Variants in ALOX12B observed in about 807,000 individuals in gnomAD.
ALOX12B encodes arachidonate 12-lipoxygenase, 12R type.
Under a neutral mutation model 78.9 loss-of-function variants are expected in ALOX12B, and 47 were observed. The observed-to-expected ratio is 0.60, with a 90% CI of 0.47 to 0.76. The LOEUF is 0.76. ALOX12B is among the 30% of genes least tolerant of loss of function. The probability of loss-of-function intolerance (pLI) is 0.00; values close to 1 mark genes in which losing one functional copy is unlikely to be tolerated. For missense variants in ALOX12B, 805 were observed against 922.6 expected (o/e 0.87, Z 1.65); for synonymous variants, 370 against 374.5 (o/e 0.99, Z 0.14).
At position 8,086,024 on chromosome 17, in the gene ALOX12B, T is replaced by G; in HGVS notation, c.344A>C (p.Glu115Ala). Residue 115 changes from glutamate to alanine, a missense_variant, in exon 2 of 15, where the codon GAG (glutamate) becomes GCG (alanine). Glu to Ala is a moderately radical substitution (Grantham distance 107, BLOSUM62 -1). Transcript: ENST00000647874. ...MDGYETLALR[E>A]ATGKTTADDS... ...GGGTGATGAGGGCTTACCTGTGGCC[T>G]CCCGGAGTGCCAGGGTCTCGTAGCC... is the stretch of plus-strand genomic sequence containing the variant. 1 of 1,614,046 alleles carries G rather than the reference T, an allele frequency of 6.2e-7. No homozygotes were observed. Among genetic ancestry groups the G allele is most frequent in the Non-Finnish European group, 8.5e-7 (1 of 1,179,978 alleles).
At chr17:8,076,881 C>A in intron 9 of ALOX12B, 109 bp downstream of exon 9, 1 of 715,282 alleles carries the variant, frequency 1.4e-6, no homozygotes, top group Non-Finnish European at 2.1e-6. Flanking sequence ...TCCCCAGATG[C>A]CCCCCAGGCT....
intron 2 of ALOX12B, among the ~76,000 whole-genome samples, chr17:8,084,405 C>A (rs1326287264): frequency 6.6e-6 from 1 of 152,180 alleles, no homozygotes; most frequent in African/African-American, 2.4e-5. Context: ...AGACCTAGCT[C>A]GTTTTCATCC....
intron 2 of ALOX12B, among the ~76,000 whole-genome samples, chr17:8,085,255 C>G (rs549375757): frequency 4.1e-4 from 58 of 140,626 alleles, no homozygotes; most frequent in African/African-American, 1.4e-3. Flanking sequence ...CTGAGGCAGG[C>G]AGATCACCTG....
intron 1 of ALOX12B, 57 bp downstream of exon 1, chr17:8,087,239 C>CACACACAG (rs1480735607): frequency 4.6e-5 from 25 of 541,716 alleles, no homozygotes; most frequent in African/African-American, 9.9e-5. Flanking sequence ...CACACACAGA[C>CACACACAG]ACACACACAC....
At position 8,077,204 on chromosome 17, in the gene ALOX12B, T is replaced by C. The variant is rs1322683290; in HGVS notation, c.1072-11A>G. The C allele has an allele frequency of 6.2e-7, 1 of 1,605,060 alleles. No individual in the cohort carries two copies. The highest frequency in any genetic ancestry group is 8.5e-7 in the Non-Finnish European group (1 of 1,176,096). ...AGGGGTCTGGCTGAGCTAGGTGTGG[T>C]GAAAGAGAAAGGGTTGGGTGAGGGC... is the stretch of plus-strand genomic sequence containing the variant. On this transcript the variant is annotated splice_polypyrimidine_tract_variant and intron_variant, in intron 8 of 14. Coordinates refer to ENST00000647874, the MANE Select transcript of ALOX12B (RefSeq NM_001139.3).
chr17:8,081,412 C>T (rs930251651), intron 2 of ALOX12B: 8 of 614,162 alleles, frequency 1.3e-5, no homozygotes, highest in Non-Finnish European at 2.1e-5. Context: ...AAGCTAAGCT[C>T]TGCTGCTGCA....
intron 12 of ALOX12B, among the ~76,000 whole-genome samples, chr17:8,075,102 C>T (rs1001107118): frequency 2.4e-5 from 1 of 41,440 alleles, no homozygotes; most frequent in African/African-American, 2.1e-4. Context: ...AGGCAGGCAC[C>T]TTCACCACTG....
chr17:8,073,752 G>T lies in ALOX12B; in HGVS notation c.1660C>A (p.Pro554Thr). ...CLLGRESSGF[P>T]RCLRTVPELI... ...TCAGGCACGGTTCGCAAGCACCTAG[G>T]GAAGCCTGACCGGCGGGGGAAAAGC... Residue 554 changes from proline (P) to threonine (T), a missense_variant, in exon 13 of 15, where the codon CCT (proline) becomes ACT (threonine). Coordinates refer to ENST00000647874, the MANE Select transcript of ALOX12B (RefSeq NM_001139.3). 1 of 1,613,898 alleles carries T rather than the reference G, an allele frequency of 6.2e-7. No homozygotes were observed. Among genetic ancestry groups the T allele is most frequent in the Non-Finnish European group, 8.5e-7 (1 of 1,179,884 alleles).
At chr17:8,078,577 A>G (rs1289245331) in intron 8 of ALOX12B, among the ~76,000 whole-genome samples, 1 of 151,544 alleles carries the variant, frequency 6.6e-6, no homozygotes, top group African/African-American at 2.4e-5. Flanking sequence ...GCAACATGGA[A>G]GAAAGCGTAG....
chr17:8,073,219 A>G lies in ALOX12B; in HGVS notation c.1855T>C (p.Leu619=). 1 of 1,614,196 alleles carries G rather than the reference A, an allele frequency of 6.2e-7. No homozygotes were observed. Among genetic ancestry groups the G allele is most frequent in the African/African-American group, 1.3e-5 (1 of 75,040 alleles). The change falls in exon 14 of 15, where the codon TTG becomes CTG. Residue 619 remains leucine, a synonymous_variant. Transcript: ENST00000647874. ...ATGCACGTGGTCTTCACATCCGGCA[A>G]CGTGTCCATGAAGGTCTCCAGAGTG... The part of the protein sequence containing the change: ...LTTLETFMDT[L]PDVKTTCITL...
Position 8,085,423 on chromosome 17 carries a change from G to T in ALOX12B, c.352+593C>A, listed in dbSNP as rs770101465. 7.9e-5 allele frequency among the ~76,000 whole-genome samples: 12 copies of T among 152,252 alleles called. No homozygotes were observed. In the Middle Eastern group the frequency reaches 0.02, roughly 259 times the overall value. ...GATCGTGCCATTGCACTCCAGCCTG[G>T]GCAACAAGAGTGAAACTCCGTCTCA... On this transcript the variant is annotated intron_variant, in intron 2 of 14. Transcript: ENST00000647874.
chr17:8,079,625 C>G lies in ALOX12B; in HGVS notation c.928-86G>C, dbSNP rs1006513080. On this transcript the variant is annotated intron_variant, in intron 7 of 14. Coordinates refer to ENST00000647874, the MANE Select transcript of ALOX12B (RefSeq NM_001139.3). The surrounding 1 kb of genome is among the most constrained non-coding windows in gnomAD (Gnocchi z 6.4). ...CCGCAGGTGCACAGGGCGCTGGCGACTAGGGGCAGGGGTGGGACGGGGACA... is the reference window on the plus strand; with the variant it reads ...CCGCAGGTGCACAGGGCGCTGGCGAGTAGGGGCAGGGGTGGGACGGGGACA... The G allele has an allele frequency of 2.0e-6, 3 of 1,534,054 alleles. No homozygotes were observed. The highest frequency in any genetic ancestry group is 2.8e-5 in the African/African-American group (2 of 72,710).
intron 12 of ALOX12B, among the ~76,000 whole-genome samples, chr17:8,074,407 T>C (rs1321843237): frequency 1.3e-5 from 2 of 152,072 alleles, no homozygotes; most frequent in African/African-American, 4.8e-5. Flanking sequence ...ATGACCTACA[T>C]CACGTATCCA....
chr17:8,087,396 G>A lies in ALOX12B; in HGVS notation c.47C>T (p.Ser16Leu), dbSNP rs147784568. The change falls in exon 1 of 15, where the codon TCG (serine) becomes TTG (leucine). Residue 16 changes from serine (S) to leucine (L), a missense_variant. Coordinates refer to ENST00000647874, the MANE Select transcript of ALOX12B (RefSeq NM_001139.3). ...VRVATGTDLL[S>L]GTRDSISLTI... is the part of the protein sequence containing the mutation. Reference sequence around the variant, plus strand: ...CAGTGAGATGGAGTCCCGTGTTCCCGACAAGAGGTCGGTGCCTGTGGCCAC... The same window carrying A: ...CAGTGAGATGGAGTCCCGTGTTCCCAACAAGAGGTCGGTGCCTGTGGCCAC... The A allele has an allele frequency of 1.4e-5, 22 of 1,614,108 alleles. No individual in the cohort carries two copies. Among genetic ancestry groups the A allele is most frequent in the Non-Finnish European group, 1.7e-5 (20 of 1,180,048 alleles).
intron 12 of ALOX12B, among the ~76,000 whole-genome samples, chr17:8,074,205 C>A (rs1424301153): frequency 6.6e-6 from 1 of 152,164 alleles, no homozygotes; most frequent in Non-Finnish European, 1.5e-5. Flanking sequence ...CTCAGTCCCA[C>A]ACATCTTCCC....
intron 8 of ALOX12B, among the ~76,000 whole-genome samples, chr17:8,077,779 C>G (rs1234016992): frequency 4.6e-5 from 7 of 152,204 alleles, no homozygotes; most frequent in Admixed American, 4.6e-4. Flanking sequence ...AGGGACCTGA[C>G]CCCCTTCAGG....
At position 8,087,683 on chromosome 17, in the gene ALOX12B, G is replaced by A. The variant is rs115923113; in HGVS notation, c.-241C>T. ...AGGCCCAGGCGGAGCCCAGCTGGTG[G>A]TGAGTGAGCAGGTGTCTGGGCTCCA... On this transcript the variant is annotated 5_prime_UTR_variant, in exon 1 of 15. Coordinates refer to ENST00000647874, the MANE Select transcript of ALOX12B (RefSeq NM_001139.3). 165 of 605,622 alleles carry A rather than the reference G, an allele frequency of 2.7e-4. No individual in the cohort carries two copies. The African/African-American group carries it at 2.8e-3, about 10-fold the overall frequency. 37.5% of individuals were successfully genotyped at this position (605,622 alleles called of 1,614,324 possible). A position where few individuals can be genotyped will look rare whatever the true frequency, so the allele number is the denominator to read the frequency against.
At position 8,077,158 on chromosome 17, in the gene ALOX12B, G is replaced by A. The variant is rs181293386; in HGVS notation, c.1107C>T (p.Phe369=). The A allele has an allele frequency of 6.2e-6, 10 of 1,613,762 alleles. No homozygotes were observed. The African/African-American group carries it at 6.7e-5, about 11-fold the overall frequency. The change falls in exon 9 of 15, where the codon TTC becomes TTT. Residue 369 remains phenylalanine, a synonymous_variant. Coordinates refer to ENST00000647874, the MANE Select transcript of ALOX12B (RefSeq NM_001139.3). ...AGTCCCACTCAGAATCACTGGGCAG[G>A]AAGATGGGGCAATCTGGCCCAGGGG... ...SQTPGPDCPI[F]LPSDSEWDWL... is the part of the protein sequence containing the mutation.
In ALOX12B at chr17:8,081,125, C is replaced by T. The variant is rs748667187; in HGVS notation, c.415G>A (p.Ala139Thr). Residue 139 changes from alanine to threonine, a missense_variant, in exon 3 of 15, where the codon GCC (alanine) becomes ACC (threonine). By Grantham distance (58) the Ala-to-Thr change is moderately conservative (BLOSUM62 0). Coordinates refer to ENST00000647874, the MANE Select transcript of ALOX12B (RefSeq NM_001139.3). ...CCTCACTGGTAGAAGTCCTGCTTGG[C>T]TCTGATCTCCTCTTTTCTGTGCTCC... The part of the protein sequence containing the change: ...LLEHRKEEIR[A>T]KQDFYHWRVF... The T allele has an allele frequency of 6.2e-7, 1 of 1,613,856 alleles. No homozygotes were observed. Among genetic ancestry groups the T allele is most frequent in the Admixed American group, 1.7e-5 (1 of 60,014 alleles).
Sources: gnomAD v4.1 joint callset for allele counts (sites outside exome capture counted in the v4.1 genomes callset) on GRCh38, gnomAD v4.1.1 for gene constraint, Gnocchi (gnomAD v3.1) non-coding constraint, MANE v1.5 for transcripts, NCBI Gene and HGNC (gene_info 2026-07-23, HGNC 2026-07-21) for gene names.